Variants in ESPL1 observed in about 807,000 individuals in gnomAD.
ESPL1 encodes separin.
Under a neutral mutation model 217.2 loss-of-function variants are expected in ESPL1, and 50 were observed. The ratio of observed to expected loss-of-function variants is 0.23; its 90% CI spans 0.18 to 0.29. ESPL1 has a LOEUF of 0.29. ESPL1 is among the 10% of genes least tolerant of loss of function. The pLI, the probability that ESPL1 is intolerant of heterozygous loss-of-function variation, is 1.00. For synonymous variants in ESPL1, 994 were observed against 1,081.3 expected (o/e 0.92, Z 1.58); for missense variants, 1,834 against 2,603.0 (o/e 0.70, Z 6.43).
At chr12:53,279,240 A>G (rs1161392505) in intron 11 of ESPL1, among the ~76,000 whole-genome samples, 1 of 152,176 alleles carries the variant, frequency 6.6e-6, no homozygotes, top group Non-Finnish European at 1.5e-5. Context: ...AAATTCCTGA[A>G]GCTCTACCCT....
intron 18 of ESPL1, chr12:53,287,340 G>A (rs1205163158): frequency 1.9e-5 from 3 of 154,784 alleles, no homozygotes; most frequent in South Asian, 3.8e-4. Context: ...CCAAAGTGCT[G>A]GGGATTACCG....
At chr12:53,278,446 A>C (rs1267474434) in intron 11 of ESPL1, among the ~76,000 whole-genome samples, 9 of 149,266 alleles carry the variant, frequency 6.0e-5, no homozygotes, top group Non-Finnish European at 1.3e-4. Context: ...ACTGCACTCC[A>C]TCCTGGGGGA....
chr12:53,276,845 G>A lies in ESPL1; in HGVS notation c.1926G>A (p.Thr642=), dbSNP rs199988679. The A allele has an allele frequency of 1.1e-5, 18 of 1,613,632 alleles. 1 individual carries two copies. Among genetic ancestry groups the A allele is most frequent in the South Asian group, 3.3e-5 (3 of 91,086 alleles). ...LAQVLCYHDF[T]QQTNCSALDA... is the part of the protein sequence containing the mutation. ...AGGTGCTCTGCTACCACGACTTTAC[G>A]CAGCAGACCAACTGGTAAGGAGTAG... Residue 642 remains threonine, a synonymous_variant, in exon 8 of 31, where the codon ACG becomes ACA. Transcript: ENST00000257934.
At chr12:53,278,006 G>A (rs17125271) in intron 11 of ESPL1, 46 bp downstream of exon 11, 31,087 of 1,584,956 alleles carry the variant, frequency 0.02, 456 homozygotes, top group South Asian at 0.054. Context: ...ACAAGGACTA[G>A]ACCAGAAACA....
Position 53,272,813 on chromosome 12 carries a change from G to C in ESPL1, c.1462G>C (p.Gly488Arg). ...AISEPLCQHL[G>R]LVKPGTYPEV... Reference sequence around the variant, plus strand: ...CTCTGAGCCGCTCTGTCAGCACCTGGGTTTGGTGAAGCCAGGCACTTATCC... The same window carrying C: ...CTCTGAGCCGCTCTGTCAGCACCTGCGTTTGGTGAAGCCAGGCACTTATCC... Residue 488 changes from glycine (G) to arginine (R), a missense_variant, in exon 6 of 31, where the codon GGT (glycine) becomes CGT (arginine). By Grantham distance (125) the Gly-to-Arg change is moderately radical. This residue lies in a region of ESPL1 where 746 missense variants were observed against 1,077.0 expected (regional missense o/e 0.69). Coordinates refer to ENST00000257934, the MANE Select transcript of ESPL1 (RefSeq NM_012291.5). 1 of 1,614,114 alleles carries C rather than the reference G, an allele frequency of 6.2e-7. No individual in the cohort carries two copies. Among genetic ancestry groups the C allele is most frequent in the Non-Finnish European group, 8.5e-7 (1 of 1,180,032 alleles).
chr12:53,287,760 A>G (rs576591076), intron 18 of ESPL1: 26 of 501,202 alleles, frequency 5.2e-5, no homozygotes, highest in Non-Finnish European at 9.1e-5. Flanking sequence ...TTTTCATCCC[A>G]CCTTCTGTTC....
rs1454349924 is a variant in ESPL1, at chr12:53,286,122, T to C, written c.3386T>C (p.Leu1129Ser). ...CCTTCTACAAACTCCTCCCCAGTCT[T>C]GAAAACCAAGCCCCAGCCCATACCC... The part of the protein sequence containing the change: ...IAPSTNSSPV[L>S]KTKPQPIPNF... The change falls in exon 18 of 31, where the codon TTG becomes TCG. Residue 1129 changes from leucine to serine, a missense_variant. Transcript: ENST00000257934. This position sits in a 1 kb window ranked among gnomAD's most constrained non-coding sequence, Gnocchi z 5.3. 6.2e-7 allele frequency: 1 copy of C among 1,613,936 alleles called. No homozygotes were observed. Among genetic ancestry groups the C allele is most frequent in the Non-Finnish European group, 8.5e-7 (1 of 1,179,834 alleles).
chr12:53,293,013 C>A lies in ESPL1; in HGVS notation c.6161+43C>A, dbSNP rs1351882896. ...AGACCCATCCTAGGGCATTAGGACT[C>A]CTGCCCTCACCCCAGGTTCTTTCCC... On this transcript the variant is annotated intron_variant, in intron 30 of 30. Transcript: ENST00000257934. The surrounding 1 kb of genome is among the most constrained non-coding windows in gnomAD (Gnocchi z 4.2). 6.5e-7 allele frequency: 1 copy of A among 1,546,394 alleles called. No homozygotes were observed. The highest frequency in any genetic ancestry group is 1.4e-5 in the African/African-American group (1 of 73,694).
At chr12:53,272,615 A>C in intron 5 of ESPL1, 106 bp from the exon 6 acceptor site, 1 of 1,312,640 alleles carries the variant, frequency 7.6e-7, no homozygotes, top group Middle Eastern at 2.1e-4. Context: ...TCTGATCTGG[A>C]AGCTGCTGAA....
rs1002632729 is a variant in ESPL1, at chr12:53,272,092, A to C, written c.1370-629A>C. On this transcript the variant is annotated intron_variant, in intron 5 of 30. Transcript: ENST00000257934. ...ACAGAGCAAGACTCTGTCTCAAAAA[A>C]AAAAAAAAAAAATTTGTTGAGTACT... Among the ~76,000 whole-genome samples the C allele has an allele frequency of 1.1e-3, 173 of 152,218 alleles. 1 individual carries two copies. Among genetic ancestry groups the C allele is most frequent in the African/African-American group, 4.0e-3 (165 of 41,552 alleles).
Position 53,284,070 on chromosome 12 carries a change from C to G in ESPL1, c.3090C>G (p.Phe1030Leu). ...CTCTCTCAACAAGGTGTGCCCTGTT[C>G]CTGGTGCTGAAGGGCGAGCTGGAGC... The part of the protein sequence containing the change: ...KLQIPRQCAL[F>L]LVLKGELELA... Residue 1030 changes from phenylalanine (F) to leucine (L), a missense_variant, in exon 17 of 31, where the codon TTC becomes TTG. Phe to Leu is a conservative substitution (Grantham distance 22). Around this residue, in one of 5 missense-constraint regions of ESPL1, gnomAD observed 107 missense variants for 171.7 expected, o/e 0.62. Coordinates refer to ENST00000257934, the MANE Select transcript of ESPL1 (RefSeq NM_012291.5). 1 of 1,612,414 alleles carries G rather than the reference C, an allele frequency of 6.2e-7. No individual in the cohort carries two copies. Among genetic ancestry groups the G allele is most frequent in the Non-Finnish European group, 8.5e-7 (1 of 1,178,470 alleles).
Position 53,282,420 on chromosome 12 carries a change from C to A in ESPL1, c.2776C>A (p.Gln926Lys). Residue 926 changes from glutamine to lysine, a missense_variant, in exon 14 of 31, where the codon CAG (glutamine) becomes AAG (lysine). Gln to Lys is a moderately conservative substitution (Grantham distance 53). This residue lies in a region of ESPL1 where 107 missense variants were observed against 171.7 expected (regional missense o/e 0.62). Transcript: ENST00000257934. The surrounding 1 kb of genome is among the most constrained non-coding windows in gnomAD (Gnocchi z 4.0). Reference protein sequence around the residue: ...SNNLSHSLWEQLCAQGWQTPE... With the variant: ...SNNLSHSLWEKLCAQGWQTPE... ...CAACCTCTCACACTCCCTGTGGGAG[C>A]AGCTCTGTGCCCAAGGTGAAAGAAT... is the stretch of plus-strand genomic sequence containing the variant. 6.2e-7 allele frequency: 1 copy of A among 1,614,056 alleles called. No homozygotes were observed. Among genetic ancestry groups the A allele is most frequent in the Non-Finnish European group, 8.5e-7 (1 of 1,179,924 alleles).
Position 53,293,023 on chromosome 12 carries a change from C to T in ESPL1, c.6161+53C>T. ...TAGGGCATTAGGACTCCTGCCCTCA[C>T]CCCAGGTTCTTTCCCAGGTCTGAAT... On this transcript the variant is annotated intron_variant, in intron 30 of 30. Coordinates refer to ENST00000257934, the MANE Select transcript of ESPL1 (RefSeq NM_012291.5). The surrounding 1 kb of genome is among the most constrained non-coding windows in gnomAD (Gnocchi z 4.2). 2 of 1,520,990 alleles carry T rather than the reference C, an allele frequency of 1.3e-6. No homozygotes were observed. Among genetic ancestry groups the T allele is most frequent in the South Asian group, 2.4e-5 (2 of 84,100 alleles). The allele number at this position is 1,520,990 out of a possible 1,614,324, so 94.2% of individuals were successfully genotyped here. A position where few individuals can be genotyped will look rare whatever the true frequency, so the allele number is the denominator to read the frequency against.
chr12:53,289,617 G>A (rs540156839), intron 22 of ESPL1, 23 bp downstream of exon 22: 17 of 1,602,078 alleles, frequency 1.1e-5, no homozygotes, highest in African/African-American at 4.0e-5. Flanking sequence ...CCTTCTGGCC[G>A]GCTCCTCTGT....
At chr12:53,284,197 C>T (rs145604113) in intron 17 of ESPL1, 30 bp downstream of exon 17, 862 of 1,368,688 alleles carry the variant, frequency 6.3e-4, no homozygotes, top group African/African-American at 3.9e-3. Context: ...TGACCATAGG[C>T]GGTGCTGAAA....
At chr12:53,279,620 C>A in intron 11 of ESPL1, 112 bp from the exon 12 acceptor site, 1 of 1,310,038 alleles carries the variant, frequency 7.6e-7, no homozygotes, top group Non-Finnish European at 1.1e-6. Context: ...CTACATTCCA[C>A]CCAGGCCCTG....
Position 53,292,813 on chromosome 12 carries a change from G to A in ESPL1, c.6004G>A (p.Gly2002Arg). 6.2e-7 allele frequency: 1 copy of A among 1,609,114 alleles called. No individual in the cohort carries two copies. Among genetic ancestry groups the A allele is most frequent in the Non-Finnish European group, 8.5e-7 (1 of 1,179,958 alleles). ...CACCTCCTTCTGCCTTAGCTATGCA[G>A]GGCATGGGGCTGGTGCCCGCTTCCT... ...LTKHDLYIYAGHGAGARFLDG... is the reference protein window; with the variant it reads ...LTKHDLYIYARHGAGARFLDG... Residue 2002 changes from glycine (G) to arginine (R), a missense_variant, in exon 30 of 31, where the codon GGG becomes AGG. Gly to Arg is a moderately radical substitution (Grantham distance 125). Around this residue, in one of 5 missense-constraint regions of ESPL1, gnomAD observed 295 missense variants for 519.8 expected, o/e 0.57. Transcript: ENST00000257934. The surrounding 1 kb of genome is among the most constrained non-coding windows in gnomAD (Gnocchi z 4.5).
In ESPL1 at chr12:53,289,397, C is replaced by G. The variant is rs1367512600; in HGVS notation, c.4923-7C>G. 1.9e-6 allele frequency: 3 copies of G among 1,612,402 alleles called. No homozygotes were observed. Among genetic ancestry groups the G allele is most frequent in the African/African-American group, 1.3e-5 (1 of 74,928 alleles). On this transcript the variant is annotated splice_region_variant and splice_polypyrimidine_tract_variant and intron_variant, in intron 21 of 30. Coordinates refer to ENST00000257934, the MANE Select transcript of ESPL1 (RefSeq NM_012291.5). Reference sequence around the variant, plus strand: ...TGGGACCTCACCCCTCCCCGTGTTGCTTGCAGCAAGGCCCAGAAGCACCGA... The same window carrying G: ...TGGGACCTCACCCCTCCCCGTGTTGGTTGCAGCAAGGCCCAGAAGCACCGA...
At chr12:53,285,883 T>G in intron 17 of ESPL1, 41 bp from the exon 18 acceptor site, 1 of 1,502,994 alleles carries the variant, frequency 6.7e-7, no homozygotes, top group Non-Finnish European at 8.9e-7. Context: ...CTTGATGCCA[T>G]TTCTCCCCGT....
Sources: gnomAD v4.1 joint callset for allele counts (sites outside exome capture counted in the v4.1 genomes callset) on GRCh38, gnomAD v4.1.1 for gene constraint, gnomAD v4.1.1 regional missense constraint, Gnocchi (gnomAD v3.1) non-coding constraint, MANE v1.5 for transcripts, NCBI Gene and HGNC (gene_info 2026-07-23, HGNC 2026-07-21) for gene names.